CNTN4: variants seen among roughly 807,000 people sequenced by gnomAD.
CNTN4 encodes contactin 4.
Under a neutral mutation model 122.5 loss-of-function variants are expected in CNTN4, and 77 were observed. The ratio of observed to expected loss-of-function variants is 0.63; its 90% CI spans 0.52 to 0.76. The LOEUF is 0.76. Ranked by LOEUF, CNTN4 falls within the 30% of genes least tolerant of loss-of-function variation. The pLI, the probability that CNTN4 is intolerant of heterozygous loss-of-function variation, is 0.00. For missense variants in CNTN4, 1,256 were observed against 1,259.1 expected, an observed-to-expected ratio of 1.00 and a Z score of 0.04; for synonymous variants, 512 against 447.0, an observed-to-expected ratio of 1.15 and a Z score of -1.83.
chr3:2,427,167 G>A (rs1364331700), intron 3 of CNTN4, among the ~76,000 whole-genome samples: 1 of 152,102 alleles, frequency 6.6e-6, no homozygotes, highest in African/African-American at 2.4e-5. Flanking sequence ...TGATGTTAGG[G>A]TGTCAATTTT....
At chr3:2,291,387 A>G (rs944612743) in intron 2 of CNTN4, among the ~76,000 whole-genome samples, 8 of 152,164 alleles carry the variant, frequency 5.3e-5, no homozygotes, top group Admixed American at 2.0e-4. Flanking sequence ...AAAAATGACA[A>G]ATAAATTTTG....
chr3:2,565,321 C>G (rs546258409), intron 3 of CNTN4, among the ~76,000 whole-genome samples: 1 of 152,226 alleles, frequency 6.6e-6, no homozygotes, highest in East Asian at 1.9e-4. Flanking sequence ...CTCATCATTC[C>G]TAGCAGACTA....
intron 3 of CNTN4, among the ~76,000 whole-genome samples, chr3:2,499,798 T>C (rs1480119116): frequency 6.6e-6 from 1 of 152,180 alleles, no homozygotes; most frequent in Admixed American, 6.5e-5. Flanking sequence ...AAGAATTTTA[T>C]TAAGCCCATA....
chr3:2,245,037 C>T (rs1214769319), intron 2 of CNTN4, among the ~76,000 whole-genome samples: 4 of 151,842 alleles, frequency 2.6e-5, no homozygotes, highest in East Asian at 3.9e-4. Flanking sequence ...AAATACTGTC[C>T]GTCTTCCATA....
At position 2,973,941 on chromosome 3, in the gene CNTN4, A is replaced by G. The variant is rs532207222; in HGVS notation, c.1359-14404A>G. On this transcript the variant is annotated intron_variant, in intron 13 of 24. Coordinates refer to ENST00000418658, the MANE Select transcript of CNTN4 (RefSeq NM_175607.3). ...GAAATAGATGTGTGTTTCACAAGGT[A>G]CAAGATTGGCACTTCTCCAAGTACT... is the stretch of plus-strand genomic sequence containing the variant. 2.6e-5 allele frequency among the ~76,000 whole-genome samples: 4 copies of G among 152,282 alleles called. No homozygotes were observed. The South Asian group carries it at 6.2e-4, about 24-fold the overall frequency.
At position 2,702,740 on chromosome 3, in the gene CNTN4, C is replaced by G. The variant is rs532530943; in HGVS notation, c.56-33475C>G. ...GAGGCTGAAGCACATGGTGCATATT[C>G]ACGCAATCGTTCATGTGCACGTGAA... On this transcript the variant is annotated intron_variant, in intron 4 of 24. Transcript: ENST00000418658. 5.4e-5 allele frequency among the ~76,000 whole-genome samples: 8 copies of G among 149,414 alleles called. No individual in the cohort carries two copies. In the South Asian group the frequency reaches 1.1e-3, roughly 20 times the overall value.
intron 3 of CNTN4, among the ~76,000 whole-genome samples, chr3:2,443,129 C>A (rs1242038236): frequency 6.8e-6 from 1 of 147,770 alleles, no homozygotes; most frequent in Non-Finnish European, 1.5e-5. Flanking sequence ...ACATGTACCT[C>A]GAAACCTCAA....
At position 2,806,115 on chromosome 3, in the gene CNTN4, A is replaced by G. The variant is rs536349086; in HGVS notation, c.359-13371A>G. 5.3e-5 allele frequency among the ~76,000 whole-genome samples: 8 copies of G among 152,150 alleles called. No homozygotes were observed. In the South Asian group the frequency reaches 1.7e-3, roughly 32 times the overall value. Reference sequence around the variant, plus strand: ...CGGGGGTCTCACCTTGTTAGCCAGGATGGTGTCGATCTCCTGACCTCGGGA... The same window carrying G: ...CGGGGGTCTCACCTTGTTAGCCAGGGTGGTGTCGATCTCCTGACCTCGGGA... On this transcript the variant is annotated intron_variant, in intron 6 of 24. Coordinates refer to ENST00000418658, the MANE Select transcript of CNTN4 (RefSeq NM_175607.3).
chr3:2,295,284 A>T (rs1360289442), intron 2 of CNTN4, among the ~76,000 whole-genome samples: 1 of 142,824 alleles, frequency 7.0e-6, no homozygotes, highest in African/African-American at 2.7e-5. Context: ...ACTAGTTTAC[A>T]GTCCCACCAA....
chr3:2,121,595 G>A (rs999643617), intron 2 of CNTN4, among the ~76,000 whole-genome samples: 2 of 152,014 alleles, frequency 1.3e-5, no homozygotes, highest in African/African-American at 4.8e-5. Context: ...TGCTGTATTT[G>A]GAACCTTTCA....
chr3:2,451,954 G>T (rs6770967), intron 3 of CNTN4, among the ~76,000 whole-genome samples: 1 of 151,914 alleles, frequency 6.6e-6, no homozygotes, highest in Non-Finnish European at 1.5e-5. Flanking sequence ...TACATAAAGC[G>T]TGCTCTTGAA....
chr3:2,628,790 C>T (rs187549055), intron 4 of CNTN4, among the ~76,000 whole-genome samples: 4 of 152,224 alleles, frequency 2.6e-5, no homozygotes, highest in East Asian at 3.9e-4. Context: ...CAGAACTGGA[C>T]GTAACCAAAA....
chr3:2,854,551 G>A (rs2093598085), intron 7 of CNTN4, among the ~76,000 whole-genome samples: 1 of 152,120 alleles, frequency 6.6e-6, no homozygotes, highest in Non-Finnish European at 1.5e-5. Flanking sequence ...GGCATTACAA[G>A]CATGAGCCAC....
At chr3:2,529,185 A>G (rs888685299) in intron 3 of CNTN4, among the ~76,000 whole-genome samples, 2 of 152,148 alleles carry the variant, frequency 1.3e-5, no homozygotes, top group African/African-American at 4.8e-5. Context: ...GCTTCTACAC[A>G]GGAGTGAGAA....
chr3:3,016,969 A>G (rs1307618028), intron 14 of CNTN4, among the ~76,000 whole-genome samples: 2 of 152,086 alleles, frequency 1.3e-5, no homozygotes, highest in African/African-American at 2.4e-5. Context: ...TCATTTGTCA[A>G]GTTGCACACG....
At chr3:2,720,667 G>T (rs970412081) in intron 4 of CNTN4, among the ~76,000 whole-genome samples, 4 of 152,178 alleles carry the variant, frequency 2.6e-5, no homozygotes, top group African/African-American at 7.2e-5. Flanking sequence ...AAACAAGGGT[G>T]CATTCTCCTT....
rs2044083289 is a variant in CNTN4, at chr3:2,339,181, T to C, written c.-141T>C. On this transcript the variant is annotated 5_prime_UTR_variant, in exon 3 of 25. Transcript: ENST00000418658. ...GTATTTTTTCTTTTTATTCTAGGAA[T>C]CATTGACATAGAGTAACTCCACAGC... 1 of 152,160 alleles carries C rather than the reference T, an allele frequency of 6.6e-6. No individual in the cohort carries two copies. Among genetic ancestry groups the C allele is most frequent in the African/African-American group, 2.4e-5 (1 of 41,454 alleles). 9.4% of individuals were successfully genotyped at this position (152,160 alleles called of 1,614,324 possible).
intron 2 of CNTN4, among the ~76,000 whole-genome samples, chr3:2,324,863 C>G (rs887857793): frequency 2.0e-5 from 3 of 152,074 alleles, no homozygotes; most frequent in South Asian, 2.1e-4. Context: ...GTGCTCCCCC[C>G]ACCTCAAAAG....
chr3:2,639,248 T>C (rs1323828078), intron 4 of CNTN4, among the ~76,000 whole-genome samples: 1 of 152,146 alleles, frequency 6.6e-6, no homozygotes, highest in Non-Finnish European at 1.5e-5. Context: ...CTCCTCCTAA[T>C]TCTATTCTAT....
Sources: gnomAD v4.1 joint callset for allele counts (sites outside exome capture counted in the v4.1 genomes callset) on GRCh38, gnomAD v4.1.1 for gene constraint, MANE v1.5 for transcripts, NCBI Gene and HGNC (gene_info 2026-07-23, HGNC 2026-07-21) for gene names.